The following RBM43 variants were observed in gnomAD, a reference collection of about 807,000 sequenced individuals.
RBM43 encodes the protein RNA-binding protein 43.
In RBM43, 12 loss-of-function variants were observed where a neutral mutation model predicts 12.4. The ratio of observed to expected loss-of-function variants is 0.97; its 90% confidence interval spans 0.62 to 1.57. RBM43 has a LOEUF of 1.57. Ranked by LOEUF, RBM43 falls within the 40% of genes most tolerant of loss-of-function variation. RBM43 has a pLI of 0.00. For missense variants in RBM43, 348 were observed against 400.1 expected (o/e 0.87, Z 1.11); for synonymous variants, 138 against 145.7 (o/e 0.95, Z 0.38).
rs1210990656 is a variant in RBM43, at chr2:151,256,619, G to C, written c.4-876C>G. Among the ~76,000 whole-genome samples, 5 of 152,114 alleles carry C rather than the reference G, an allele frequency of 3.3e-5. No homozygotes were observed. In the East Asian group the frequency reaches 9.7e-4, roughly 29 times the overall value. On this transcript the variant is annotated intron_variant, in intron 1 of 3. Transcript: ENST00000331426. ...AGATCACCTGACATCAGGAGTTCCA[G>C]ACCAGCCTGGCCAACATGGTGAAAC...
At chr2:151,261,490 G>A (rs1683046020) in intron 1 of RBM43, 3 of 1,550,252 alleles carry the variant, frequency 1.9e-6, no homozygotes, top group East Asian at 2.4e-5. Flanking sequence ...GTGAATTTCA[G>A]GAGCGCGCAA....
intron 1 of RBM43, 134 bp downstream of exon 1, chr2:151,261,591 C>A: frequency 6.5e-7 from 1 of 1,536,678 alleles, no homozygotes; most frequent in Non-Finnish European, 8.8e-7. Context: ...CCCTGGGGCC[C>A]CTCCGTGCGC....
In RBM43 at chr2:151,247,958, T is replaced by G. The variant is rs1682842130; in HGVS notation, c.*2948A>C. 1 of 152,192 alleles carries G rather than the reference T, an allele frequency of 6.6e-6. No homozygotes were observed. Among genetic ancestry groups the G allele is most frequent in the Non-Finnish European group, 1.5e-5 (1 of 67,998 alleles). 9.4% of individuals were successfully genotyped at this position (152,192 alleles called of 1,614,324 possible). ...ATATACATAAAGATATTAAAACTTT[T>G]ATTTTAGAATTTTAGTCATGATATA... is the stretch of plus-strand genomic sequence containing the variant. On this transcript the variant is annotated 3_prime_UTR_variant, in exon 4 of 4. Transcript: ENST00000331426.
rs13013490 is a variant in RBM43 at position 151,255,974 on chromosome 2, T to C, written c.4-231A>G. 1.2e-4 allele frequency among the ~76,000 whole-genome samples: 19 copies of C among 152,322 alleles called. No individual in the cohort carries two copies. In the East Asian group the frequency reaches 3.3e-3, roughly 26 times the overall value. On this transcript the variant is annotated intron_variant, in intron 1 of 3. Transcript: ENST00000331426. ...TAAAAATTAAACCCTTCTTTTTTTC[T>C]TTTTTGAGATGGAGTCTCACTCTGT...
chr2:151,250,987 G>A lies in RBM43; in HGVS notation c.993C>T (p.His331=), dbSNP rs534431514. The part of the protein sequence containing the change: ...LEVLINLYRT[H]IDIIGSSSDT... ...CAGAAGAAGATCCTATAATGTCAAT[G>A]TGTGTCCTATAAAGGTTAATCAGGA... The change falls in exon 4 of 4, where the codon CAC becomes CAT. Residue 331 remains histidine, a synonymous_variant. Transcript: ENST00000331426. The A allele has an allele frequency of 1.5e-5, 24 of 1,612,174 alleles. No homozygotes were observed. The South Asian group carries it at 2.0e-4, about 13-fold the overall frequency.
chr2:151,250,401 CCTGA>C lies in RBM43; in HGVS notation c.*501_*504del, dbSNP rs1454960916. On this transcript the variant is annotated 3_prime_UTR_variant, in exon 4 of 4. Coordinates refer to ENST00000331426, the MANE Select transcript of RBM43 (RefSeq NM_198557.3). The stretch of plus-strand genomic sequence containing the variant: ...CACAAGGTCAGGAGATGGAGACCAT[CCTGA>C]CTAACACGGTGAAACCCCATCTCTA... 4 of 152,110 alleles carry C rather than the reference CCTGA, an allele frequency of 2.6e-5. No individual in the cohort carries two copies. Among genetic ancestry groups the C allele is most frequent in the African/African-American group, 2.4e-5 (1 of 41,356 alleles). The allele number at this position is 152,110 out of a possible 1,614,324, so 9.4% of individuals were successfully genotyped here.
rs147488502 is a variant in RBM43 at position 151,251,240 on chromosome 2, A to G, written c.740T>C (p.Leu247Pro). ...TTCACCATCCACTTTCTCCTGACTC[A>G]GAATGTGGAATTTTTTCAGTGTGCT... is the stretch of plus-strand genomic sequence containing the variant. ...YESTLKKFHI[L>P]SQEKVDGEIT... is the part of the protein sequence containing the mutation. Residue 247 changes from leucine (L) to proline (P), a missense_variant, in exon 4 of 4, where the codon CTG (leucine) becomes CCG (proline). Physicochemically the swap from Leu to Pro is moderately conservative, Grantham distance 98. Transcript: ENST00000331426. The G allele has an allele frequency of 1.9e-6, 3 of 1,613,744 alleles. No individual in the cohort carries two copies. In the African/African-American group the frequency reaches 4.0e-5, roughly 22 times the overall value.
At position 151,252,681 on chromosome 2, in the gene RBM43, G is replaced by A. The variant is rs561723254; in HGVS notation, c.315+74C>T. On this transcript the variant is annotated intron_variant, in intron 3 of 3. Transcript: ENST00000331426. Reference sequence around the variant, plus strand: ...TCATGGAGTGAGAGCACTTTGTGTCGCCTGCCATAAGAAAAACTTCAAAAA... The same window carrying A: ...TCATGGAGTGAGAGCACTTTGTGTCACCTGCCATAAGAAAAACTTCAAAAA... 247 of 780,400 alleles carry A rather than the reference G, an allele frequency of 3.2e-4. 1 individual carries two copies. The highest frequency in any genetic ancestry group is 2.9e-3 in the African/African-American group (173 of 58,670). 48.3% of individuals were successfully genotyped at this position (780,400 alleles called of 1,614,324 possible).
intron 1 of RBM43, chr2:151,261,457 G>C (rs1317337954): frequency 5.8e-6 from 9 of 1,550,582 alleles, no homozygotes; most frequent in Non-Finnish European, 7.8e-6. Context: ...CCTCTGGAGC[G>C]GGCCTATACT....
rs1005148560 is a variant in RBM43 at position 151,248,742 on chromosome 2, G to A, written c.*2164C>T. 4 of 152,128 alleles carry A rather than the reference G, an allele frequency of 2.6e-5. No homozygotes were observed. Among genetic ancestry groups the A allele is most frequent in the African/African-American group, 9.7e-5 (4 of 41,418 alleles). 9.4% of individuals were successfully genotyped at this position (152,128 alleles called of 1,614,324 possible). A position where few individuals can be genotyped will look rare whatever the true frequency, so the allele number is the denominator to read the frequency against. Reference sequence around the variant, plus strand: ...ATATTCTGGCATGCCTTTGAACTTTGAGAGCTCATTTCGTGGGTGCTCTGA... The same window carrying A: ...ATATTCTGGCATGCCTTTGAACTTTAAGAGCTCATTTCGTGGGTGCTCTGA... On this transcript the variant is annotated 3_prime_UTR_variant, in exon 4 of 4. Coordinates refer to ENST00000331426, the MANE Select transcript of RBM43 (RefSeq NM_198557.3).
Position 151,258,117 on chromosome 2 carries a change from T to C in RBM43, c.4-2374A>G, listed in dbSNP as rs532225381. On this transcript the variant is annotated intron_variant, in intron 1 of 3. Coordinates refer to ENST00000331426, the MANE Select transcript of RBM43 (RefSeq NM_198557.3). ...AGAAAAGAAAATACATGGAAGTATA[T>C]GGAACGATAAGACAGAGGGAAAGAG... Among the ~76,000 whole-genome samples, 10 of 151,470 alleles carry C rather than the reference T, an allele frequency of 6.6e-5. No individual in the cohort carries two copies. In the South Asian group the frequency reaches 1.5e-3, roughly 22 times the overall value.
chr2:151,252,778 TGA>T lies in RBM43; in HGVS notation c.290_291del (p.Leu97GlnfsTer7). 1.2e-6 allele frequency: 2 copies of T among 1,604,400 alleles called. No individual in the cohort carries two copies. The highest frequency in any genetic ancestry group is 1.7e-6 in the Non-Finnish European group (2 of 1,171,350). ...KTRHAELTVS[L>X]RVSHFGDKIF... is the part of the protein sequence containing the mutation. ...ACCTTGTCACCAAAATGAGAGACTC[TGA>T]GAGAGACTGTGAGTTCAGCATGTCT... On this transcript the variant is annotated frameshift_variant, in exon 3 of 4. Transcript: ENST00000331426. LOFTEE classifies it low-confidence loss of function (END_TRUNC).
rs1682843468 is a variant in RBM43, at chr2:151,248,101, A to C, written c.*2805T>G. 1.3e-5 allele frequency: 2 copies of C among 152,192 alleles called. No individual in the cohort carries two copies. Among genetic ancestry groups the C allele is most frequent in the African/African-American group, 4.8e-5 (2 of 41,458 alleles). The allele number at this position is 152,192 out of a possible 1,614,324, so 9.4% of individuals were successfully genotyped here. A position where few individuals can be genotyped will look rare whatever the true frequency, so the allele number is the denominator to read the frequency against. ...AATAGGCAATCTTATAAAGGCTGTA[A>C]ATCAAATTTGGGATAAAGCAGTTTG... On this transcript the variant is annotated 3_prime_UTR_variant, in exon 4 of 4. Transcript: ENST00000331426.
intron 2 of RBM43, among the ~76,000 whole-genome samples, chr2:151,253,082 G>A (rs1001953869): frequency 6.6e-6 from 1 of 152,002 alleles, no homozygotes; most frequent in Non-Finnish European, 1.5e-5. Context: ...GGTATTATAT[G>A]CATGAATAAA....
chr2:151,256,127 A>G (rs966712505), intron 1 of RBM43, among the ~76,000 whole-genome samples: 1 of 152,034 alleles, frequency 6.6e-6, no homozygotes, highest in African/African-American at 2.4e-5. Context: ...ACACCCAGCT[A>G]ATTTTTGTAT....
intron 3 of RBM43, 67 bp downstream of exon 3, chr2:151,252,688 A>G (rs1390952099): frequency 2.4e-6 from 2 of 848,832 alleles, no homozygotes; most frequent in African/African-American, 1.7e-5. Context: ...GTCGCCTGCC[A>G]TAAGAAAAAC....
chr2:151,256,327 T>A (rs1453837752), intron 1 of RBM43, among the ~76,000 whole-genome samples: 1 of 152,080 alleles, frequency 6.6e-6, no homozygotes, highest in African/African-American at 2.4e-5. Context: ...CTAAAAATAA[T>A]GGAAGAAGTT....
chr2:151,259,721 A>G (rs537740545), intron 1 of RBM43, among the ~76,000 whole-genome samples: 12 of 152,246 alleles, frequency 7.9e-5, no homozygotes, highest in African/African-American at 1.2e-4. Context: ...ATGTAAGAAT[A>G]AAGGCAGGGC....
intron 1 of RBM43, among the ~76,000 whole-genome samples, chr2:151,258,963 T>TG (rs1683010469): frequency 6.6e-6 from 1 of 151,802 alleles, no homozygotes; most frequent in Non-Finnish European, 1.5e-5. Flanking sequence ...GCCAACATGG[T>TG]GAAACCCCAA....
Sources: gnomAD v4.1 joint callset for allele counts (sites outside exome capture counted in the v4.1 genomes callset) on GRCh38, gnomAD v4.1.1 for gene constraint, MANE v1.5 for transcripts, NCBI Gene and HGNC (gene_info 2026-07-23, HGNC 2026-07-21) for gene names.